The following PAH variants were observed in gnomAD, a reference collection of about 807,000 sequenced individuals.
PAH encodes the protein phenylalanine hydroxylase, also known as phenylalanine-4-hydroxylase.
Under a neutral mutation model 62.0 loss-of-function variants are expected in PAH, and 64 were observed. That is an observed-to-expected ratio of 1.03 (90% CI 0.84 to 1.27). The LOEUF (loss-of-function observed/expected upper bound fraction) is 1.27, where lower values mean the gene tolerates loss of function less well. Among genes scored for constraint, PAH ranks in the 50% most tolerant of loss-of-function variants. The pLI is 0.00. For missense variants in PAH, 579 were observed against 542.8 expected (o/e 1.07, Z -0.66); for synonymous variants, 195 against 196.2 (o/e 0.99, Z 0.05).
chr12:102,955,969 GT>G (rs1879898250), intron 1 of PAH, among the ~76,000 whole-genome samples: 1 of 152,104 alleles, frequency 6.6e-6, no homozygotes, highest in Admixed American at 6.5e-5. Flanking sequence ...GAGAAGAGAG[GT>G]GATTCACTTC....
intron 7 of PAH, chr12:102,852,016 G>C: frequency 2.0e-6 from 1 of 495,432 alleles, no homozygotes; most frequent in South Asian, 2.1e-5. Context: ...TATCCCCAGT[G>C]GGGTACCAGG....
upstream of PAH, among the ~76,000 whole-genome samples, chr12:102,954,926 G>A (rs186169190): frequency 8.4e-4 from 128 of 152,316 alleles, no homozygotes; most frequent in African/African-American, 2.9e-3. Flanking sequence ...TTACTTGAGT[G>A]GGGGGAGGAG....
At chr12:102,857,991 A>T (rs1455672733) in intron 5 of PAH, among the ~76,000 whole-genome samples, 3 of 152,346 alleles carry the variant, frequency 2.0e-5, no homozygotes, top group South Asian at 4.1e-4. Flanking sequence ...CCTTAAATGT[A>T]AATGGGGCTA....
At chr12:102,933,185 C>CT (rs1174854802) in intron 1 of PAH, among the ~76,000 whole-genome samples, 1 of 152,100 alleles carries the variant, frequency 6.6e-6, no homozygotes, top group African/African-American at 2.4e-5. Context: ...AAAATTCAAT[C>CT]TTTTTAATTT....
chr12:102,905,687 G>A (rs1408422535), intron 2 of PAH, among the ~76,000 whole-genome samples: 1 of 152,124 alleles, frequency 6.6e-6, no homozygotes, highest in African/African-American at 2.4e-5. Context: ...CCACAGCACT[G>A]TGATGAGTAT....
intron 6 of PAH, among the ~76,000 whole-genome samples, chr12:102,853,988 A>G (rs1288351261): frequency 6.6e-6 from 1 of 152,138 alleles, no homozygotes; most frequent in East Asian, 1.9e-4. Context: ...ACTATTATGT[A>G]GCTTCCCAAC....
chr12:102,918,570 GT>G (rs71097955), upstream of PAH, among the ~76,000 whole-genome samples: 102 of 57,500 alleles, frequency 1.8e-3, no homozygotes, highest in Admixed American at 3.9e-3. Context: ...GTTTTTTTTT[GT>G]TTTTTTTTTT....
At chr12:102,922,008 C>G (rs1459493324), upstream of PAH, among the ~76,000 whole-genome samples, 1 of 151,964 alleles carries the variant, frequency 6.6e-6, no homozygotes, top group Non-Finnish European at 1.5e-5. Context: ...AAATATAAAA[C>G]CTAGTGAAAA....
chr12:102,929,325 T>C (rs186619547), intron 1 of PAH, among the ~76,000 whole-genome samples: 7 of 152,310 alleles, frequency 4.6e-5, no homozygotes, highest in Non-Finnish European at 2.9e-5. Context: ...TACATAATGC[T>C]GTGAGAACTT....
At chr12:102,898,526 T>C (rs1316719608) in intron 2 of PAH, among the ~76,000 whole-genome samples, 2 of 152,228 alleles carry the variant, frequency 1.3e-5, no homozygotes, top group African/African-American at 4.8e-5. Context: ...ACTGAACTTG[T>C]AGTTGAAGAG....
In PAH at chr12:102,837,014, T is replaced by A. The variant is rs776957064; in HGVS notation, c.*2161A>T. 3.9e-5 allele frequency: 6 copies of A among 152,264 alleles called. No individual in the cohort carries two copies. The highest frequency in any genetic ancestry group is 7.3e-5 in the Non-Finnish European group (5 of 68,042). 9.4% of individuals were successfully genotyped at this position (152,264 alleles called of 1,614,324 possible). A position where few individuals can be genotyped will look rare whatever the true frequency, so the allele number is the denominator to read the frequency against. On this transcript the variant is annotated 3_prime_UTR_variant, in exon 13 of 13. Transcript: ENST00000553106. Reference sequence around the variant, plus strand: ...AAACTTATTAAACATCAATGCCACATGCTTAGAATTTTTTATGTATTTATT... The same window carrying A: ...AAACTTATTAAACATCAATGCCACAAGCTTAGAATTTTTTATGTATTTATT...
exon 1 of PAH, chr12:102,950,685 G>T (rs1879716265): frequency 6.6e-6 from 1 of 152,198 alleles, no homozygotes; most frequent in South Asian, 2.1e-4. Context: ...CGCCCCAGCC[G>T]GTAGTCTCCT....
chr12:102,871,949 AATAT>A (rs1232144620), intron 4 of PAH, among the ~76,000 whole-genome samples: 683 of 30,168 alleles, frequency 0.023, 2 homozygotes, highest in Non-Finnish European at 0.029. Context: ...AAAAAAAAAA[AATAT>A]ATATATATAT....
At chr12:102,870,888 A>C (rs1240664303) in intron 4 of PAH, among the ~76,000 whole-genome samples, 1 of 152,220 alleles carries the variant, frequency 6.6e-6, no homozygotes, top group Non-Finnish European at 1.5e-5. Context: ...CAAGAAGCCT[A>C]TTCTGGAAAA....
intron 2 of PAH, among the ~76,000 whole-genome samples, chr12:102,908,313 TA>T (rs1306222828): frequency 6.6e-6 from 1 of 152,170 alleles, no homozygotes; most frequent in Non-Finnish European, 1.5e-5. Context: ...GTTTATTTAT[TA>T]GGTTGAAAAC....
At chr12:102,934,398 G>T (rs1391834949) in intron 1 of PAH, among the ~76,000 whole-genome samples, 1 of 149,134 alleles carries the variant, frequency 6.7e-6, no homozygotes, top group Non-Finnish European at 1.5e-5. Context: ...GAATAGCTTT[G>T]GATATTCTGG....
intron 2 of PAH, among the ~76,000 whole-genome samples, chr12:102,903,159 G>A (rs1411697975): frequency 6.6e-6 from 1 of 152,136 alleles, no homozygotes; most frequent in Non-Finnish European, 1.5e-5. Context: ...TCAGGAGTTC[G>A]AGAACAGCCT....
chr12:102,951,019 G>C (rs1444728329), upstream of PAH, among the ~76,000 whole-genome samples: 1 of 151,674 alleles, frequency 6.6e-6, no homozygotes, highest in Non-Finnish European at 1.5e-5. Context: ...GAAGGGATTT[G>C]GGGACATGAA....
At chr12:102,856,038 A>G (rs2136650612) in intron 5 of PAH, among the ~76,000 whole-genome samples, 1 of 131,242 alleles carries the variant, frequency 7.6e-6, no homozygotes, top group African/African-American at 3.1e-5. Flanking sequence ...ATTGTATATA[A>G]TTAAAAATTA....
Sources: allele counts gnomAD v4.1 joint callset (sites outside exome capture counted in the v4.1 genomes callset), GRCh38; gene constraint gnomAD v4.1.1; transcripts MANE v1.5; gene names NCBI Gene and HGNC (gene_info 2026-07-23, HGNC 2026-07-21).